Variants in LHFPL4 observed in about 807,000 individuals in gnomAD.
LHFPL4 encodes LHFPL tetraspan subfamily member 4.
In LHFPL4, 6 loss-of-function variants were observed where a neutral mutation model predicts 20.0. The ratio of observed to expected loss-of-function variants is 0.30; its 90% CI spans 0.16 to 0.59. The LOEUF is 0.59. LHFPL4 is among the 20% of genes least tolerant of loss of function. LHFPL4 has a pLI of 0.88. For synonymous variants in LHFPL4, 129 were observed against 143.8 expected (o/e 0.90, Z 0.74); for missense variants, 215 against 331.2 (o/e 0.65, Z 2.72).
chr3:9,553,193 TC>T lies in LHFPL4; in HGVS notation c.-168-347del, dbSNP rs545909675. The stretch of plus-strand genomic sequence containing the variant: ...GTAGAAGGAGGTCTGGTATTGGGTG[TC>T]TAGCAAGGGACTATGAGGCGGTGGT... On this transcript the variant is annotated intron_variant, in intron 1 of 3. Transcript: ENST00000287585. 7.4e-3 allele frequency among the ~76,000 whole-genome samples: 1,113 copies of T among 150,836 alleles called. 8 individuals carry two copies. Among genetic ancestry groups the T allele is most frequent in the Middle Eastern group, 0.024 (7 of 290 alleles).
intron 2 of LHFPL4, 103 bp downstream of exon 2, chr3:9,552,171 C>T: frequency 6.9e-7 from 1 of 1,457,702 alleles, no homozygotes; most frequent in Non-Finnish European, 9.2e-7. Flanking sequence ...TGTCTTAACA[C>T]AGAGAAGCAG....
chr3:9,547,100 C>G (rs2046520070), intron 2 of LHFPL4, among the ~76,000 whole-genome samples: 2 of 152,194 alleles, frequency 1.3e-5, no homozygotes, highest in South Asian at 4.1e-4. Context: ...GTAATCCTCC[C>G]ACCTCAGCCT....
chr3:9,552,259 C>A lies in LHFPL4; in HGVS notation c.406+15G>T. The A allele has an allele frequency of 3.2e-6, 5 of 1,576,258 alleles. No individual in the cohort carries two copies. Among genetic ancestry groups the A allele is most frequent in the Non-Finnish European group, 4.3e-6 (5 of 1,158,160 alleles). ...TGGCGCTTGTTCTGGGAGTTCCGTCCACCCCCTCCCCTACCTGCCAAGAGC... is the reference window on the plus strand; with the variant it reads ...TGGCGCTTGTTCTGGGAGTTCCGTCAACCCCCTCCCCTACCTGCCAAGAGC... On this transcript the variant is annotated intron_variant, in intron 2 of 3. Transcript: ENST00000287585.
intron 2 of LHFPL4, among the ~76,000 whole-genome samples, chr3:9,534,694 A>G (rs144073180): frequency 0.012 from 1,891 of 152,318 alleles, 19 homozygotes; most frequent in Non-Finnish European, 0.019. Flanking sequence ...GACTGCTAGT[A>G]AATGACTATT....
intron 2 of LHFPL4, among the ~76,000 whole-genome samples, chr3:9,511,448 T>C (rs1034316874): frequency 2.0e-5 from 3 of 152,140 alleles, no homozygotes; most frequent in African/African-American, 7.2e-5. Context: ...TTATCCAATG[T>C]CACATAGCTT....
At chr3:9,529,160 C>T (rs2046393942) in intron 2 of LHFPL4, among the ~76,000 whole-genome samples, 1 of 152,024 alleles carries the variant, frequency 6.6e-6, no homozygotes, top group African/African-American at 2.4e-5. Context: ...TCCCAAGTAG[C>T]TGGGACTACA....
intron 2 of LHFPL4, among the ~76,000 whole-genome samples, chr3:9,540,947 T>A (rs1356461523): frequency 6.8e-6 from 1 of 147,342 alleles, no homozygotes; most frequent in East Asian, 2.2e-4. Context: ...AATAAAATAA[T>A]TTTTTTTTTT....
chr3:9,504,311 G>A (rs546595149), intron 3 of LHFPL4, among the ~76,000 whole-genome samples: 2 of 151,628 alleles, frequency 1.3e-5, no homozygotes, highest in African/African-American at 4.8e-5. Context: ...CCAGGAGCTG[G>A]AGGCTGCAGT....
At chr3:9,522,235 C>A (rs2046342416) in intron 2 of LHFPL4, among the ~76,000 whole-genome samples, 1 of 151,666 alleles carries the variant, frequency 6.6e-6, no homozygotes, top group Admixed American at 6.6e-5. Context: ...ACCTCGTGAT[C>A]TGCCCGCCTT....
intron 2 of LHFPL4, among the ~76,000 whole-genome samples, chr3:9,520,254 G>A (rs2046329195): frequency 6.6e-6 from 1 of 152,074 alleles, no homozygotes; most frequent in African/African-American, 2.4e-5. Context: ...CTAGGAATTT[G>A]ACGCAAGACT....
At chr3:9,521,665 A>G (rs1408200925) in intron 2 of LHFPL4, among the ~76,000 whole-genome samples, 1 of 151,270 alleles carries the variant, frequency 6.6e-6, no homozygotes, top group Non-Finnish European at 1.5e-5. Flanking sequence ...GGCCTCCCAA[A>G]GTGCTGGGAT....
In LHFPL4 at chr3:9,499,580, G is replaced by A. The variant is rs768364883; in HGVS notation, c.*2631C>T. On this transcript the variant is annotated 3_prime_UTR_variant, in exon 4 of 4. Transcript: ENST00000287585. ...GCCTCCCTCCTCTCCACCCGGCGCTGACCCACTCCTAAGTCAGCTGGACCC... is the reference window on the plus strand; with the variant it reads ...GCCTCCCTCCTCTCCACCCGGCGCTAACCCACTCCTAAGTCAGCTGGACCC... 1 of 152,334 alleles carries A rather than the reference G, an allele frequency of 6.6e-6. No individual in the cohort carries two copies. Among genetic ancestry groups the A allele is most frequent in the East Asian group, 1.9e-4 (1 of 5,188 alleles). 9.4% of individuals were successfully genotyped at this position (152,334 alleles called of 1,614,324 possible). A position where few individuals can be genotyped will look rare whatever the true frequency, so the allele number is the denominator to read the frequency against.
chr3:9,552,658 A>T lies in LHFPL4; in HGVS notation c.22T>A (p.Ser8Thr). The change falls in exon 2 of 4, where the codon TCC (serine) becomes ACC (threonine). Residue 8 changes from serine (S) to threonine (T), a missense_variant. Transcript: ENST00000287585. MLPSQEA[S>T]KLYHEHYMRN... ...ATGTAGTGCTCGTGGTAGAGCTTGGAGGCCTCCTGCGAGGGCAGCATGGTG... is the reference window on the plus strand; with the variant it reads ...ATGTAGTGCTCGTGGTAGAGCTTGGTGGCCTCCTGCGAGGGCAGCATGGTG... 6.2e-7 allele frequency: 1 copy of T among 1,600,938 alleles called. No homozygotes were observed. Among genetic ancestry groups the T allele is most frequent in the Non-Finnish European group, 8.5e-7 (1 of 1,174,020 alleles).
chr3:9,523,388 GAAAAAGAAAAAA>G (rs1461994418), intron 2 of LHFPL4, among the ~76,000 whole-genome samples: 236 of 66,188 alleles, frequency 3.6e-3, no homozygotes, highest in Middle Eastern at 0.017. Context: ...CTCAAAAAAA[GAAAAAGAAAAAA>G]AAAAAGAAAA....
chr3:9,528,573 T>G (rs2046389249), intron 2 of LHFPL4, among the ~76,000 whole-genome samples: 1 of 152,198 alleles, frequency 6.6e-6, no homozygotes, highest in Non-Finnish European at 1.5e-5. Context: ...CTGTTCATGT[T>G]GACATTTTGA....
At chr3:9,520,630 C>T (rs926506530) in intron 2 of LHFPL4, among the ~76,000 whole-genome samples, 1 of 152,090 alleles carries the variant, frequency 6.6e-6, no homozygotes, top group African/African-American at 2.4e-5. Flanking sequence ...AGGTGTGAGC[C>T]ACCCTGCCCG....
intron 2 of LHFPL4, among the ~76,000 whole-genome samples, chr3:9,527,262 T>C (rs1462425062): frequency 1.3e-5 from 2 of 152,162 alleles, no homozygotes. Flanking sequence ...CATATATTAC[T>C]TGTGAAATTT....
chr3:9,543,729 G>GT (rs58872967), intron 2 of LHFPL4, among the ~76,000 whole-genome samples: 46,016 of 119,348 alleles, frequency 0.39, 9,762 homozygotes, highest in South Asian at 0.52. Flanking sequence ...TTTGGTTTTG[G>GT]TTTTTTTTTT....
At chr3:9,507,289 T>C (rs1046165265) in intron 2 of LHFPL4, among the ~76,000 whole-genome samples, 1 of 152,118 alleles carries the variant, frequency 6.6e-6, no homozygotes, top group African/African-American at 2.4e-5. Flanking sequence ...TGCAATGTAG[T>C]GTGGAGAGAG....
Sources: gnomAD v4.1 joint callset for allele counts (sites outside exome capture counted in the v4.1 genomes callset) on GRCh38, gnomAD v4.1.1 for gene constraint, MANE v1.5 for transcripts, NCBI Gene and HGNC (gene_info 2026-07-23, HGNC 2026-07-21) for gene names.